The following ZNF385D variants were observed in gnomAD, a reference collection of about 807,000 sequenced individuals.
ZNF385D encodes the protein zinc finger protein 385D.
In ZNF385D, 15 loss-of-function variants were observed where a neutral mutation model predicts 35.8. The observed-to-expected ratio is 0.42, with a 90% confidence interval of 0.28 to 0.64. The LOEUF (loss-of-function observed/expected upper bound fraction) is 0.64, where lower values mean the gene tolerates loss of function less well. Among genes scored for constraint, ZNF385D ranks in the 30% least tolerant of loss-of-function variants. The probability of loss-of-function intolerance (pLI) is 0.23; values close to 1 mark genes in which losing one functional copy is unlikely to be tolerated. For missense variants in ZNF385D, 474 were observed against 494.6 expected (o/e 0.96, Z 0.39); for synonymous variants, 212 against 186.8 (o/e 1.13, Z -1.10).
rs571559828 is a variant in ZNF385D at position 22,330,093 on chromosome 3, C to G, written c.106+42357G>C. ...GATTCTCCTTTAAACTGAGCTAACTCTAGTATTTATTTCATCTATTGAGCT... is the reference window on the plus strand; with the variant it reads ...GATTCTCCTTTAAACTGAGCTAACTGTAGTATTTATTTCATCTATTGAGCT... On this transcript the variant is annotated intron_variant, in intron 2 of 5. Transcript: ENST00000494108. Among the ~76,000 whole-genome samples the G allele has an allele frequency of 2.6e-5, 4 of 152,222 alleles. No homozygotes were observed. The South Asian group carries it at 8.3e-4, about 32-fold the overall frequency.
intron 2 of ZNF385D, among the ~76,000 whole-genome samples, chr3:22,274,925 A>G (rs1364016035): frequency 6.6e-6 from 1 of 152,070 alleles, no homozygotes; most frequent in East Asian, 1.9e-4. Context: ...ATAAAAACTA[A>G]GCTCAACAAA....
At chr3:21,561,697 A>G (rs2062952580) in intron 3 of ZNF385D, among the ~76,000 whole-genome samples, 1 of 152,236 alleles carries the variant, frequency 6.6e-6, no homozygotes, top group African/African-American at 2.4e-5. Flanking sequence ...AGATTGGGGA[A>G]TGTCCAGATG....
At chr3:22,371,515 C>T (rs1176169640) in intron 2 of ZNF385D, among the ~76,000 whole-genome samples, 2 of 152,122 alleles carry the variant, frequency 1.3e-5, no homozygotes, top group African/African-American at 4.8e-5. Flanking sequence ...GGCTAAAGCA[C>T]TCATCAGCAC....
At chr3:21,979,357 C>T (rs771176015) in intron 3 of ZNF385D, among the ~76,000 whole-genome samples, 5 of 152,116 alleles carry the variant, frequency 3.3e-5, no homozygotes, top group Non-Finnish European at 7.4e-5. Flanking sequence ...TAAACAAAAC[C>T]TTACAGGTAA....
intron 2 of ZNF385D, among the ~76,000 whole-genome samples, chr3:22,176,188 C>T (rs1185833084): frequency 1.3e-5 from 2 of 151,680 alleles, no homozygotes; most frequent in African/African-American, 2.4e-5. Flanking sequence ...ACACAACATT[C>T]AGCTTCAGTG....
chr3:21,639,444 A>G (rs3907432), intron 2 of ZNF385D, among the ~76,000 whole-genome samples: 11,326 of 151,534 alleles, frequency 0.075, 525 homozygotes, highest in East Asian at 0.17. Context: ...TTTTAACAAA[A>G]TTGGAAAATT....
At chr3:21,562,910 G>T (rs1331893189) in intron 3 of ZNF385D, among the ~76,000 whole-genome samples, 1 of 152,010 alleles carries the variant, frequency 6.6e-6, no homozygotes, top group Non-Finnish European at 1.5e-5. Flanking sequence ...CAATTCTGTG[G>T]TAAAGTTCTA....
intron 3 of ZNF385D, among the ~76,000 whole-genome samples, chr3:22,037,027 A>G (rs186603607): frequency 7.5e-4 from 114 of 152,028 alleles, no homozygotes; most frequent in Non-Finnish European, 1.4e-3. Flanking sequence ...CCATATCCCA[A>G]AAAGAACATG....
chr3:21,505,648 C>T (rs376968969), intron 4 of ZNF385D, among the ~76,000 whole-genome samples: 5 of 152,190 alleles, frequency 3.3e-5, no homozygotes, highest in East Asian at 3.9e-4. Context: ...GACAAGAAAT[C>T]GACTTCAGTA....
chr3:21,444,692 T>A (rs1412180714), intron 4 of ZNF385D, among the ~76,000 whole-genome samples: 2 of 152,152 alleles, frequency 1.3e-5, no homozygotes, highest in Non-Finnish European at 2.9e-5. Flanking sequence ...CAGCTGAATT[T>A]CCCTATTGAT....
At chr3:22,144,446 G>A (rs766246551) in intron 3 of ZNF385D, among the ~76,000 whole-genome samples, 9 of 151,766 alleles carry the variant, frequency 5.9e-5, no homozygotes, top group Non-Finnish European at 1.2e-4. Context: ...AGGTGTGGTG[G>A]TGCATGCCTT....
intron 1 of ZNF385D, among the ~76,000 whole-genome samples, chr3:21,716,159 G>A (rs2068310429): frequency 6.6e-6 from 1 of 152,052 alleles, no homozygotes; most frequent in African/African-American, 2.4e-5. Context: ...TCTTATACGT[G>A]GCACCATCAA....
At chr3:21,461,541 C>G (rs1300171667) in intron 4 of ZNF385D, among the ~76,000 whole-genome samples, 7 of 151,932 alleles carry the variant, frequency 4.6e-5, no homozygotes, top group Admixed American at 2.6e-4. Flanking sequence ...GAGCTAGACT[C>G]TATCTCAAAA....
At chr3:22,073,260 G>A (rs1700312719) in intron 3 of ZNF385D, among the ~76,000 whole-genome samples, 1 of 151,012 alleles carries the variant, frequency 6.6e-6, no homozygotes. Context: ...TTCCCTTTTG[G>A]ATTCCTGCTT....
intron 3 of ZNF385D, among the ~76,000 whole-genome samples, chr3:22,151,579 G>T (rs1213718978): frequency 6.6e-6 from 1 of 152,132 alleles, no homozygotes. Context: ...CTAAAGGCAA[G>T]TCAGCTGGCA....
At chr3:22,009,939 A>T (rs1472565695) in intron 3 of ZNF385D, among the ~76,000 whole-genome samples, 1 of 152,012 alleles carries the variant, frequency 6.6e-6, no homozygotes, top group East Asian at 1.9e-4. Context: ...AGAAATGAAA[A>T]ATATGAAAAA....
intron 3 of ZNF385D, among the ~76,000 whole-genome samples, chr3:21,842,441 T>C (rs949833901): frequency 5.3e-5 from 8 of 152,108 alleles, no homozygotes; most frequent in Admixed American, 2.0e-4. Context: ...CCGTTATGAA[T>C]TGAATTTGAC....
intron 3 of ZNF385D, among the ~76,000 whole-genome samples, chr3:21,964,459 C>T (rs1324245922): frequency 8.2e-6 from 1 of 122,374 alleles, no homozygotes; most frequent in Admixed American, 8.5e-5. Flanking sequence ...AAAAGATGTC[C>T]AATTTCTCAG....
chr3:22,033,720 G>C (rs1698148512), intron 3 of ZNF385D, among the ~76,000 whole-genome samples: 1 of 152,058 alleles, frequency 6.6e-6, no homozygotes, highest in Non-Finnish European at 1.5e-5. Flanking sequence ...ATCTGTGATT[G>C]AGAATAAATT....
Sources: allele counts gnomAD v4.1 joint callset (sites outside exome capture counted in the v4.1 genomes callset), GRCh38; gene constraint gnomAD v4.1.1; transcripts MANE v1.5; gene names NCBI Gene and HGNC (gene_info 2026-07-23, HGNC 2026-07-21).